Variants in CAP2 observed in about 807,000 individuals in gnomAD.
CAP2 encodes the protein adenylyl cyclase-associated protein 2.
A neutral mutation model predicts 57.7 loss-of-function variants in CAP2; 24 were observed. The observed-to-expected ratio is 0.42, with a 90% CI of 0.30 to 0.58. The LOEUF is 0.58. CAP2 is among the 20% of genes least tolerant of loss of function. The pLI is 0.22. For synonymous variants in CAP2, 194 were observed against 207.2 expected (o/e 0.94, Z 0.55); for missense variants, 501 against 590.3 (o/e 0.85, Z 1.57).
At position 17,405,275 on chromosome 6, in the gene CAP2, G is replaced by A. The variant is rs573823923; in HGVS notation, c.-2+11529G>A. 2.6e-5 allele frequency among the ~76,000 whole-genome samples: 4 copies of A among 152,214 alleles called. No homozygotes were observed. The East Asian group carries it at 5.8e-4, about 22-fold the overall frequency. ...AGACGCTTGTTAATCCCAGCCACTC[G>A]GGAGGCTGAGGCAGGAGAATCGTGT... On this transcript the variant is annotated intron_variant, in intron 1 of 12. Coordinates refer to ENST00000229922, the MANE Select transcript of CAP2 (RefSeq NM_006366.3).
At chr6:17,401,778 A>G (rs1446111045) in intron 1 of CAP2, among the ~76,000 whole-genome samples, 1 of 151,372 alleles carries the variant, frequency 6.6e-6, no homozygotes. Context: ...GTTTCTTAGT[A>G]CTCCTCTCTG....
At position 17,522,024 on chromosome 6, in the gene CAP2, G is replaced by A. The variant is rs550711659; in HGVS notation, c.636+8070G>A. On this transcript the variant is annotated intron_variant, in intron 7 of 12. Coordinates refer to ENST00000229922, the MANE Select transcript of CAP2 (RefSeq NM_006366.3). ...CTCAGGAGGCTGAGGCAGGAGAATC[G>A]CTTGAACCTGGGAGGTGGAGGTTGC... 1.1e-4 allele frequency among the ~76,000 whole-genome samples: 16 copies of A among 152,128 alleles called. No homozygotes were observed. In the South Asian group the frequency reaches 2.9e-3, roughly 28 times the overall value.
chr6:17,400,076 A>T (rs1302690562), intron 1 of CAP2, among the ~76,000 whole-genome samples: 2 of 151,780 alleles, frequency 1.3e-5, no homozygotes, highest in East Asian at 3.9e-4. Context: ...AAAAAAAAAA[A>T]TTAGCTGGGC....
intron 4 of CAP2, among the ~76,000 whole-genome samples, chr6:17,492,508 T>C (rs1178729374): frequency 6.6e-6 from 1 of 152,172 alleles, no homozygotes; most frequent in African/African-American, 2.4e-5. Context: ...GTGGCTGGAA[T>C]TGAAAGTGAA....
At chr6:17,463,616 G>T (rs1213604679) in intron 4 of CAP2, among the ~76,000 whole-genome samples, 1 of 152,136 alleles carries the variant, frequency 6.6e-6, no homozygotes, top group Non-Finnish European at 1.5e-5. Flanking sequence ...GTGTTTATGG[G>T]TCGTCTACGG....
At chr6:17,532,839 A>G (rs145323705) in intron 7 of CAP2, among the ~76,000 whole-genome samples, 11,623 of 151,584 alleles carry the variant, frequency 0.077, 534 homozygotes, top group African/African-American at 0.11. Flanking sequence ...TGAGGCAGGC[A>G]TAACACCTGA....
intron 7 of CAP2, among the ~76,000 whole-genome samples, chr6:17,529,466 C>A (rs1362757337): frequency 2.0e-5 from 3 of 151,694 alleles, no homozygotes; most frequent in African/African-American, 7.3e-5. Context: ...ATGGTAAAAC[C>A]CCATCTCTAC....
In CAP2 at chr6:17,541,103, A is replaced by G. The variant is rs1250274610; in HGVS notation, c.957A>G (p.Gln319=). 3 of 1,613,888 alleles carry G rather than the reference A, an allele frequency of 1.9e-6. No individual in the cohort carries two copies. Among genetic ancestry groups the G allele is most frequent in the Non-Finnish European group, 1.7e-6 (2 of 1,179,944 alleles). Residue 319 remains glutamine, a synonymous_variant, in exon 9 of 13, where the codon CAA becomes CAG. Coordinates refer to ENST00000229922, the MANE Select transcript of CAP2 (RefSeq NM_006366.3). ...CATCTCCTAAATCTTATCCTTCTCA[A>G]AAACATGCCCCAGTGTTGGAGTTGG... ...SPTSPKSYPS[Q]KHAPVLELEG...
intron 2 of CAP2, among the ~76,000 whole-genome samples, chr6:17,425,699 T>C (rs766552733): frequency 1.3e-5 from 2 of 152,160 alleles, no homozygotes; most frequent in Non-Finnish European, 2.9e-5. Context: ...CCTACCTCCC[T>C]GGGTCCGGAG....
intron 4 of CAP2, among the ~76,000 whole-genome samples, chr6:17,475,194 CA>C (rs1172435772): frequency 0.043 from 4,513 of 105,728 alleles, 190 homozygotes; most frequent in African/African-American, 0.12. Flanking sequence ...GACTCCATCT[CA>C]AAAAAAAAAA....
chr6:17,436,425 G>C (rs939980732), intron 3 of CAP2, among the ~76,000 whole-genome samples: 1 of 152,082 alleles, frequency 6.6e-6, no homozygotes, highest in South Asian at 2.1e-4. Context: ...GAGCCACCGC[G>C]CCTGGCCCAA....
chr6:17,469,276 G>T (rs1581545144), intron 4 of CAP2, among the ~76,000 whole-genome samples: 1 of 152,236 alleles, frequency 6.6e-6, no homozygotes, highest in South Asian at 2.1e-4. Context: ...CACCCGGAGG[G>T]TGGAGAACTA....
At chr6:17,444,804 C>CCACACACACACACA (rs142931025) in intron 3 of CAP2, among the ~76,000 whole-genome samples, 147 of 140,520 alleles carry the variant, frequency 1.0e-3, no homozygotes, top group East Asian at 3.9e-3. Flanking sequence ...TTCTCTCTCT[C>CCACACACACACACA]CACACACACA....
chr6:17,440,017 T>G (rs1343987875), intron 3 of CAP2, among the ~76,000 whole-genome samples: 1 of 151,610 alleles, frequency 6.6e-6, no homozygotes, highest in Admixed American at 6.6e-5. Context: ...TTGCTTGTCT[T>G]TGCTTTTTTA....
At chr6:17,547,611 G>A (rs1373583534) in intron 11 of CAP2, among the ~76,000 whole-genome samples, 1 of 152,148 alleles carries the variant, frequency 6.6e-6, no homozygotes, top group Non-Finnish European at 1.5e-5. Flanking sequence ...GGAGGCCAAG[G>A]TGGGCAAATC....
At chr6:17,429,295 AC>A (rs1759668109) in intron 3 of CAP2, among the ~76,000 whole-genome samples, 3 of 152,190 alleles carry the variant, frequency 2.0e-5, no homozygotes, top group Non-Finnish European at 2.9e-5. Flanking sequence ...GAACACTATG[AC>A]AGTAATCATT....
chr6:17,522,954 C>T (rs1170944872), intron 7 of CAP2, among the ~76,000 whole-genome samples: 1 of 152,174 alleles, frequency 6.6e-6, no homozygotes, highest in Non-Finnish European at 1.5e-5. Flanking sequence ...GCCACCATGC[C>T]TGGCTGATAC....
At chr6:17,439,518 G>A (rs897099270) in intron 3 of CAP2, among the ~76,000 whole-genome samples, 4 of 151,332 alleles carry the variant, frequency 2.6e-5, no homozygotes, top group Non-Finnish European at 5.9e-5. Flanking sequence ...CTGTGGACCG[G>A]GGAGAGGGAT....
chr6:17,418,874 T>A (rs950776302), intron 1 of CAP2, among the ~76,000 whole-genome samples: 6 of 152,176 alleles, frequency 3.9e-5, no homozygotes, highest in Non-Finnish European at 8.8e-5. Flanking sequence ...CATTTCTCTT[T>A]CCTTTTTTTT....
Sources: allele counts gnomAD v4.1 joint callset (sites outside exome capture counted in the v4.1 genomes callset), GRCh38; gene constraint gnomAD v4.1.1; transcripts MANE v1.5; gene names NCBI Gene and HGNC (gene_info 2026-07-23, HGNC 2026-07-21).